The following ARHGAP26 variants were observed in gnomAD, a reference collection of about 807,000 sequenced individuals.
ARHGAP26 encodes Rho GTPase activating protein 26.
ARHGAP26 carries 38 observed loss-of-function variants against 104.8 expected under a neutral mutation model. That is an observed-to-expected ratio of 0.36 (90% CI 0.28 to 0.48). ARHGAP26 has a LOEUF of 0.48. Ranked by LOEUF, ARHGAP26 falls within the 20% of genes least tolerant of loss-of-function variation. The pLI, the probability that ARHGAP26 is intolerant of heterozygous loss-of-function variation, is 0.99. For synonymous variants in ARHGAP26, 341 were observed against 340.0 expected (o/e 1.00, Z -0.03); for missense variants, 704 against 947.9 (o/e 0.74, Z 3.38).
chr5:142,838,183 A>G (rs1769985711), intron 1 of ARHGAP26, among the ~76,000 whole-genome samples: 1 of 152,006 alleles, frequency 6.6e-6, no homozygotes, highest in Admixed American at 6.6e-5. Flanking sequence ...GCTTGAACCC[A>G]GGAGGCAAAG....
At chr5:142,938,081 T>G (rs1246171583) in intron 11 of ARHGAP26, among the ~76,000 whole-genome samples, 1 of 152,204 alleles carries the variant, frequency 6.6e-6, no homozygotes, top group Non-Finnish European at 1.5e-5. Context: ...TGATGGAGTT[T>G]GAACAACGAG....
intron 1 of ARHGAP26, among the ~76,000 whole-genome samples, chr5:142,784,647 C>CA (rs1758175369): frequency 6.6e-6 from 1 of 152,108 alleles, no homozygotes; most frequent in African/African-American, 2.4e-5. Context: ...CTGAGCTCCC[C>CA]AAATGGGCAG....
At chr5:143,087,824 T>G (rs1473584726) in intron 17 of ARHGAP26, among the ~76,000 whole-genome samples, 1 of 151,422 alleles carries the variant, frequency 6.6e-6, no homozygotes, top group Admixed American at 6.6e-5. Context: ...TAATTTTGTA[T>G]TTTTAGTAGA....
At chr5:142,832,322 G>A (rs1768620989) in intron 1 of ARHGAP26, among the ~76,000 whole-genome samples, 1 of 152,216 alleles carries the variant, frequency 6.6e-6, no homozygotes. Flanking sequence ...TTATATGGGT[G>A]AGGCCCTGAT....
intron 1 of ARHGAP26, among the ~76,000 whole-genome samples, chr5:142,773,245 G>C (rs1257587437): frequency 1.3e-5 from 2 of 152,050 alleles, no homozygotes; most frequent in Non-Finnish European, 2.9e-5. Context: ...TGTTTTCCCA[G>C]TACAACTTAA....
At chr5:142,931,912 C>T (rs967191465) in intron 10 of ARHGAP26, 135 bp from the exon 11 acceptor site, 10 of 784,244 alleles carry the variant, frequency 1.3e-5, no homozygotes, top group African/African-American at 3.4e-5. Flanking sequence ...TTAGTAAAGC[C>T]GAGTGTTTTG....
In ARHGAP26 at chr5:143,103,658, G is replaced by T. The variant is rs570367586; in HGVS notation, c.1539-17330G>T. On this transcript the variant is annotated intron_variant, in intron 17 of 22. Coordinates refer to ENST00000645722, the MANE Select transcript of ARHGAP26 (RefSeq NM_001135608.3). Reference sequence around the variant, plus strand: ...TCATGTCCTTTGCAGGGACATGGATGAAGCTGGAAACCATTCTCAGCAAAC... The same window carrying T: ...TCATGTCCTTTGCAGGGACATGGATTAAGCTGGAAACCATTCTCAGCAAAC... Among the ~76,000 whole-genome samples, 25 of 152,262 alleles carry T rather than the reference G, an allele frequency of 1.6e-4. No individual in the cohort carries two copies. In the South Asian group the frequency reaches 5.0e-3, roughly 30 times the overall value.
At chr5:142,890,147 AAAAAATATATATATATATATATATAT>A (rs1386099291) in intron 5 of ARHGAP26, among the ~76,000 whole-genome samples, 5 of 78,574 alleles carry the variant, frequency 6.4e-5, no homozygotes, top group African/African-American at 2.9e-4. Flanking sequence ...AAAAAAAAAA[AAAAAATATATATATATATATATATAT>A]ATATATATAT....
At chr5:142,789,770 G>A (rs555114219) in intron 1 of ARHGAP26, among the ~76,000 whole-genome samples, 157 of 152,266 alleles carry the variant, frequency 1.0e-3, no homozygotes, top group African/African-American at 3.6e-3. Flanking sequence ...CGGTTCTGGG[G>A]TAAACAACAG....
At chr5:143,007,183 ACT>A (rs891091511) in intron 11 of ARHGAP26, among the ~76,000 whole-genome samples, 2 of 135,596 alleles carry the variant, frequency 1.5e-5, no homozygotes, top group African/African-American at 5.8e-5. Context: ...TGACAGCAAG[ACT>A]CTGTCTCCGA....
intron 20 of ARHGAP26, among the ~76,000 whole-genome samples, chr5:143,162,846 C>T (rs1352851018): frequency 6.6e-6 from 1 of 152,130 alleles, no homozygotes; most frequent in African/African-American, 2.4e-5. Flanking sequence ...GTGTTTAAGA[C>T]ACTATTCCAG....
At chr5:142,893,426 G>A (rs929789076) in intron 5 of ARHGAP26, among the ~76,000 whole-genome samples, 1 of 152,168 alleles carries the variant, frequency 6.6e-6, no homozygotes, top group Non-Finnish European at 1.5e-5. Flanking sequence ...CATTCATGTT[G>A]CTGCAGATGA....
intron 18 of ARHGAP26, among the ~76,000 whole-genome samples, chr5:143,130,116 A>G (rs1182587903): frequency 6.6e-6 from 1 of 152,206 alleles, no homozygotes; most frequent in Non-Finnish European, 1.5e-5. Flanking sequence ...AATGAGAAGC[A>G]GAACCAAGAT....
At chr5:143,166,225 T>A in intron 20 of ARHGAP26, 1 of 549,866 alleles carries the variant, frequency 1.8e-6, no homozygotes, top group Non-Finnish European at 2.6e-6. Flanking sequence ...GCTCTCTGAG[T>A]AGCCGGAAGA....
chr5:143,072,239 A>G (rs891606579), intron 17 of ARHGAP26, among the ~76,000 whole-genome samples: 1 of 152,244 alleles, frequency 6.6e-6, no homozygotes, highest in African/African-American at 2.4e-5. Flanking sequence ...GACTATTATC[A>G]GAAAGGCAAA....
intron 17 of ARHGAP26, among the ~76,000 whole-genome samples, chr5:143,110,427 A>G (rs1357179398): frequency 6.6e-6 from 1 of 152,234 alleles, no homozygotes; most frequent in Non-Finnish European, 1.5e-5. Context: ...CGTTGGGTAG[A>G]AAGTCCCAAA....
intron 17 of ARHGAP26, among the ~76,000 whole-genome samples, chr5:143,065,423 C>T (rs191011422): frequency 9.9e-4 from 151 of 152,224 alleles, no homozygotes; most frequent in Non-Finnish European, 1.7e-3. Flanking sequence ...GTGGCTGAAA[C>T]GTGGCAGCTG....
At chr5:143,117,448 A>G (rs535539591) in intron 17 of ARHGAP26, among the ~76,000 whole-genome samples, 1 of 152,260 alleles carries the variant, frequency 6.6e-6, no homozygotes, top group East Asian at 1.9e-4. Context: ...AGCTGTACCA[A>G]GTTGTGAGCA....
intron 13 of ARHGAP26, among the ~76,000 whole-genome samples, chr5:143,040,757 G>A (rs894278184): frequency 6.6e-6 from 1 of 152,226 alleles, no homozygotes; most frequent in African/African-American, 2.4e-5. Context: ...AACAGCTGGA[G>A]CAAAGGCTAT....
Sources: gnomAD v4.1 joint callset for allele counts (sites outside exome capture counted in the v4.1 genomes callset) on GRCh38, gnomAD v4.1.1 for gene constraint, MANE v1.5 for transcripts, NCBI Gene and HGNC (gene_info 2026-07-23, HGNC 2026-07-21) for gene names.